HSPG2: variants seen among roughly 807,000 people sequenced by gnomAD.
HSPG2 encodes the protein heparan sulfate proteoglycan 2.
HSPG2 carries 278 observed loss-of-function variants against 526.6 expected under a neutral mutation model. That is an observed-to-expected ratio of 0.53 (90% CI 0.48 to 0.58). HSPG2 has a LOEUF of 0.58. Among genes scored for constraint, HSPG2 ranks in the 20% least tolerant of loss-of-function variants. The probability of loss-of-function intolerance (pLI) is 0.00; values close to 1 mark genes in which losing one functional copy is unlikely to be tolerated. For missense variants in HSPG2, 5,354 were observed against 6,099.5 expected (o/e 0.88, Z 4.07); for synonymous variants, 2,465 against 2,555.4 (o/e 0.96, Z 1.07).
At position 21,937,141 on chromosome 1, in the gene HSPG2, C is replaced by T; in HGVS notation, c.63+14G>A. On this transcript the variant is annotated intron_variant, in intron 1 of 96. Transcript: ENST00000374695. ...TCCGCCCCCGCCCCCCGCCCCTCTG[C>T]CCCGCACACTCACCGCCAGCAGCCG... 2.9e-6 allele frequency: 1 copy of T among 346,378 alleles called. No individual in the cohort carries two copies. The highest frequency in any genetic ancestry group is 4.6e-6 in the Non-Finnish European group (1 of 219,454). 21.5% of individuals were successfully genotyped at this position (346,378 alleles called of 1,614,324 possible). A position where few individuals can be genotyped will look rare whatever the true frequency, so the allele number is the denominator to read the frequency against.
At chr1:21,889,860 G>A (rs769796262) in intron 6 of HSPG2, 121 bp downstream of exon 6, 1 of 985,442 alleles carries the variant, frequency 1.0e-6, no homozygotes, top group East Asian at 2.4e-5. Context: ...GCAGACTCAG[G>A]AGTAGTGAGC....
At chr1:21,903,693 G>A (rs995319552) in intron 1 of HSPG2, among the ~76,000 whole-genome samples, 1 of 152,238 alleles carries the variant, frequency 6.6e-6, no homozygotes, top group African/African-American at 2.4e-5. Flanking sequence ...ACTGGGAGAG[G>A]CATGTGGAAT....
chr1:21,931,740 C>A (rs770469796), intron 1 of HSPG2, among the ~76,000 whole-genome samples: 1 of 152,200 alleles, frequency 6.6e-6, no homozygotes, highest in Non-Finnish European at 1.5e-5. Flanking sequence ...ATAGCCTGGG[C>A]AGGCCCTCCT....
At chr1:21,833,132 G>T in intron 80 of HSPG2, 136 bp downstream of exon 80, 1 of 771,374 alleles carries the variant, frequency 1.3e-6, no homozygotes. Context: ...CAGAGGTCTG[G>T]GGGCTTCTGG....
intron 50 of HSPG2, 150 bp from the exon 51 acceptor site, chr1:21,853,220 A>G: frequency 2.8e-6 from 3 of 1,071,066 alleles, no homozygotes; most frequent in Non-Finnish European, 2.7e-6. Flanking sequence ...CTGCCTCCAC[A>G]TGGCCAGCCG....
chr1:21,859,337 G>A lies in HSPG2; in HGVS notation c.5293+229C>T, dbSNP rs767217188. 3.0e-4 allele frequency among the ~76,000 whole-genome samples: 46 copies of A among 152,060 alleles called. No homozygotes were observed. Among genetic ancestry groups the A allele is most frequent in the African/African-American group, 3.9e-4 (16 of 41,396 alleles). On this transcript the variant is annotated intron_variant, in intron 42 of 96. Transcript: ENST00000374695. The surrounding 1 kb of genome is among the most constrained non-coding windows in gnomAD (Gnocchi z 5.3). Reference sequence around the variant, plus strand: ...GTTGGGATTATAGACGTGACCCACCGTGCCCGGCCCACCCTTTTCTTTTGC... The same window carrying A: ...GTTGGGATTATAGACGTGACCCACCATGCCCGGCCCACCCTTTTCTTTTGC...
At position 21,915,112 on chromosome 1, in the gene HSPG2, C is replaced by T. The variant is rs879296067; in HGVS notation, c.64-18802G>A. ...CCAAGGGTGCCAGCGGGCCAGCCCT[C>T]ACGGGCACCCGGCCAGATCGTGAGG... On this transcript the variant is annotated intron_variant, in intron 1 of 96. Transcript: ENST00000374695. 3.5e-4 allele frequency among the ~76,000 whole-genome samples: 53 copies of T among 152,388 alleles called. 1 individual carries two copies. Among genetic ancestry groups the T allele is most frequent in the South Asian group, 1.2e-3 (6 of 4,832 alleles).
chr1:21,883,254 C>A (rs1641640265), intron 13 of HSPG2, among the ~76,000 whole-genome samples: 1 of 152,276 alleles, frequency 6.6e-6, no homozygotes, highest in South Asian at 2.1e-4. Context: ...TGCCTGCTCA[C>A]CAAATGGTGG....
chr1:21,919,534 A>G (rs1310855515), intron 1 of HSPG2, among the ~76,000 whole-genome samples: 6 of 152,142 alleles, frequency 3.9e-5, no homozygotes, highest in Non-Finnish European at 8.8e-5. Context: ...TGGACCAAAG[A>G]AAGGGAAGAA....
At chr1:21,912,745 C>T (rs575270350) in intron 1 of HSPG2, among the ~76,000 whole-genome samples, 4 of 152,174 alleles carry the variant, frequency 2.6e-5, no homozygotes, top group African/African-American at 7.2e-5. Flanking sequence ...TTTGGGAGGC[C>T]GAGGCAGGCG....
chr1:21,857,315 G>A lies in HSPG2; in HGVS notation c.5364C>T (p.Asp1788=), dbSNP rs763046851. Residue 1788 remains aspartate, a synonymous_variant, in exon 43 of 97, where the codon GAC becomes GAT. Coordinates refer to ENST00000374695, the MANE Select transcript of HSPG2 (RefSeq NM_005529.7). The part of the protein sequence containing the change: ...QRSQSVRPGA[D]VTFICTAKSK... ...TTTTGGCTGTGCAGATGAAGGTGAC[G>A]TCAGCTCCGGGGCGCACGCTCTGGC... 21 of 1,613,948 alleles carry A rather than the reference G, an allele frequency of 1.3e-5. No individual in the cohort carries two copies. Among genetic ancestry groups the A allele is most frequent in the East Asian group, 4.5e-5 (2 of 44,888 alleles).
At chr1:21,932,757 T>C (rs1039740128) in intron 1 of HSPG2, among the ~76,000 whole-genome samples, 1 of 152,108 alleles carries the variant, frequency 6.6e-6, no homozygotes, top group Non-Finnish European at 1.5e-5. Context: ...GGGAGTGTGT[T>C]TCACATGCTC....
rs746360254 is a variant in HSPG2 at position 21,854,650 on chromosome 1, G to A, written c.6249C>T (p.Thr2083=). Residue 2083 remains threonine (T), a synonymous_variant, in exon 49 of 97, where the codon ACC becomes ACT. Transcript: ENST00000374695. ...GCAGGCTACCCCCTCGCCTGTACCA[G>A]GTGACCTGGGCATGGGCTGACCCTG... ...VVAGSAHAQV[T]WYRRGGSLPP... 3.4e-5 allele frequency: 54 copies of A among 1,595,206 alleles called. 1 individual carries two copies. In the South Asian group the frequency reaches 3.7e-4, roughly 11 times the overall value.
chr1:21,841,877 G>T, intron 69 of HSPG2, 125 bp downstream of exon 69: 3 of 1,405,424 alleles, frequency 2.1e-6, no homozygotes, highest in Non-Finnish European at 3.0e-6. Flanking sequence ...GACGGGAAGG[G>T]CCTTACTCAG....
rs1183628323 is a variant in HSPG2, at chr1:21,850,098, C to T, written c.7389G>A (p.Gln2463=). The T allele has an allele frequency of 5.6e-6, 9 of 1,613,370 alleles. No homozygotes were observed. The highest frequency in any genetic ancestry group is 1.3e-5 in the African/African-American group (1 of 74,950). ...TGTGCCACGTGACCTGGGCATGGGC[C>T]TGACCAGCAACGAGGCAGTTCAGGT... ...TLDLNCLVAG[Q]AHAQVTWHKR... Residue 2463 remains glutamine, a synonymous_variant, in exon 57 of 97, where the codon CAG becomes CAA. Coordinates refer to ENST00000374695, the MANE Select transcript of HSPG2 (RefSeq NM_005529.7).
chr1:21,878,898 T>A (rs1641297844), intron 18 of HSPG2, 96 bp downstream of exon 18: 2 of 1,460,798 alleles, frequency 1.4e-6, no homozygotes, highest in Admixed American at 2.0e-5. Flanking sequence ...CAGGTAGAGA[T>A]CTGAATCCAA....
In HSPG2 at chr1:21,864,776, G is replaced by A. The variant is rs556864845; in HGVS notation, c.4626+67C>T. 1.3e-5 allele frequency: 18 copies of A among 1,347,534 alleles called. No individual in the cohort carries two copies. Among genetic ancestry groups the A allele is most frequent in the Non-Finnish European group, 1.7e-5 (16 of 961,424 alleles). 83.5% of individuals were successfully genotyped at this position (1,347,534 alleles called of 1,614,324 possible). On this transcript the variant is annotated intron_variant, in intron 36 of 96. Coordinates refer to ENST00000374695, the MANE Select transcript of HSPG2 (RefSeq NM_005529.7). The surrounding 1 kb of genome is among the most constrained non-coding windows in gnomAD (Gnocchi z 4.8). ...TGATGGTAATCAAGGCTGCGGCGAC[G>A]CCGGCTGATTTGCTTGCTGATGCCT...
In HSPG2 at chr1:21,861,179, C is replaced by T. The variant is rs1250610945; in HGVS notation, c.4955+578G>A. ...GGGCTGGGGTGGAATCTGTTCTGTT[C>T]ACTCCATTATCTCCAACACCTCAGC... On this transcript the variant is annotated intron_variant, in intron 39 of 96. Transcript: ENST00000374695. Among the ~76,000 whole-genome samples the T allele has an allele frequency of 2.6e-5, 4 of 152,182 alleles. No homozygotes were observed. The East Asian group carries it at 5.8e-4, about 22-fold the overall frequency.
chr1:21,845,754 T>C (rs906930463), intron 64 of HSPG2, among the ~76,000 whole-genome samples: 1 of 152,182 alleles, frequency 6.6e-6, no homozygotes, highest in African/African-American at 2.4e-5. Flanking sequence ...TATAATTAGA[T>C]AGTAGAGTAC....
Sources: allele counts gnomAD v4.1 joint callset (sites outside exome capture counted in the v4.1 genomes callset), GRCh38; gene constraint gnomAD v4.1.1; non-coding constraint Gnocchi (gnomAD v3.1); transcripts MANE v1.5; gene names NCBI Gene and HGNC (gene_info 2026-07-23, HGNC 2026-07-21).